PARD3B: variants seen among roughly 807,000 people sequenced by gnomAD.
PARD3B encodes the protein partitioning defective 3 homolog B.
PARD3B carries 103 observed loss-of-function variants against 130.2 expected under a neutral mutation model. The ratio of observed to expected loss-of-function variants is 0.79; its 90% CI spans 0.67 to 0.93. The LOEUF is 0.93. PARD3B is among the 40% of genes least tolerant of loss of function. The pLI, the probability that PARD3B is intolerant of heterozygous loss-of-function variation, is 0.00. For missense variants in PARD3B, 1,609 were observed against 1,499.2 expected (o/e 1.07, Z -1.21); for synonymous variants, 583 against 553.2 (o/e 1.05, Z -0.76).
intron 18 of PARD3B, among the ~76,000 whole-genome samples, chr2:205,310,682 TG>T (rs1444612329): frequency 6.6e-6 from 1 of 151,582 alleles, no homozygotes; most frequent in Non-Finnish European, 1.5e-5. Flanking sequence ...TACTTTTTAA[TG>T]GCTGAAATAG....
chr2:204,791,376 T>G (rs555715683), intron 2 of PARD3B, among the ~76,000 whole-genome samples: 111 of 152,350 alleles, frequency 7.3e-4, no homozygotes, highest in Non-Finnish European at 1.2e-3. Context: ...TATTATATCA[T>G]TCCCCTCATA....
intron 20 of PARD3B, among the ~76,000 whole-genome samples, chr2:205,445,898 C>G (rs2047889865): frequency 6.6e-6 from 1 of 152,154 alleles, no homozygotes; most frequent in Non-Finnish European, 1.5e-5. Flanking sequence ...TATTGAGTAT[C>G]CACTAAGGGT....
intron 1 of PARD3B, among the ~76,000 whole-genome samples, chr2:204,614,197 A>G (rs549920801): frequency 6.6e-6 from 1 of 152,322 alleles, no homozygotes; most frequent in Admixed American, 6.5e-5. Flanking sequence ...CAAGCTACAT[A>G]TGCAATTTAA....
chr2:205,061,136 T>C (rs1431096457), intron 4 of PARD3B, among the ~76,000 whole-genome samples: 1 of 152,128 alleles, frequency 6.6e-6, no homozygotes, highest in Non-Finnish European at 1.5e-5. Context: ...CAAGACTGCC[T>C]GGAGGGTCTA....
intron 2 of PARD3B, among the ~76,000 whole-genome samples, chr2:204,749,282 A>G (rs2040367490): frequency 6.6e-6 from 1 of 152,072 alleles, no homozygotes; most frequent in African/African-American, 2.4e-5. Flanking sequence ...TAATGACTTT[A>G]TTTCCCAAGT....
intron 3 of PARD3B, among the ~76,000 whole-genome samples, chr2:205,033,177 A>G (rs527643737): frequency 2.0e-5 from 3 of 152,304 alleles, no homozygotes; most frequent in East Asian, 3.9e-4. Flanking sequence ...AATGTGCACC[A>G]TTCTGAATCA....
chr2:205,150,780 A>C (rs2033699256), intron 10 of PARD3B, among the ~76,000 whole-genome samples: 1 of 152,164 alleles, frequency 6.6e-6, no homozygotes, highest in African/African-American at 2.4e-5. Context: ...ACAAGGATAC[A>C]GTATAGTATG....
intron 22 of PARD3B, among the ~76,000 whole-genome samples, chr2:205,574,870 AAAAGAAAG>A (rs1280154335): frequency 6.6e-6 from 1 of 150,622 alleles, no homozygotes; most frequent in East Asian, 1.9e-4. Flanking sequence ...AAAAAAAAAA[AAAAGAAAG>A]AAAGAAAGAA....
chr2:205,526,327 G>A (rs977847668), intron 21 of PARD3B, among the ~76,000 whole-genome samples: 1 of 152,196 alleles, frequency 6.6e-6, no homozygotes, highest in Non-Finnish European at 1.5e-5. Context: ...CCTGATATCT[G>A]TAGTGACAGA....
At chr2:204,966,055 C>T (rs1389231405) in intron 3 of PARD3B, among the ~76,000 whole-genome samples, 1 of 152,152 alleles carries the variant, frequency 6.6e-6, no homozygotes, top group East Asian at 1.9e-4. Context: ...CTACTTAGAG[C>T]ACCTGTTATG....
Position 204,861,162 on chromosome 2 carries a change from T to TTCTCTCTCTC in PARD3B, c.223-103947_223-103938dup, listed in dbSNP as rs60740602. On this transcript the variant is annotated intron_variant, in intron 2 of 22. Transcript: ENST00000406610. Reference sequence around the variant, plus strand: ...TTTCACCTATTGCTACCTAATACCTTTCTCTCTCTCTCTCTCTCTCTCTCT... The same window carrying TTCTCTCTCTC: ...TTTCACCTATTGCTACCTAATACCTTTCTCTCTCTCTCTCTCTCTCTCTCTCTCTCTCTCT... Among the ~76,000 whole-genome samples the TTCTCTCTCTC allele has an allele frequency of 1.1e-3, 101 of 91,360 alleles. 1 individual carries two copies. Among genetic ancestry groups the TTCTCTCTCTC allele is most frequent in the East Asian group, 3.0e-3 (9 of 2,980 alleles). 59.9% of individuals were successfully genotyped at this position (91,360 alleles called of 152,430 possible).
intron 1 of PARD3B, among the ~76,000 whole-genome samples, chr2:204,651,160 T>G (rs2335633): frequency 0.74 from 113,256 of 152,070 alleles, 42,921 homozygotes; most frequent in South Asian, 0.81. Context: ...TTCCCAATAG[T>G]CCCCCAAAGT....
At chr2:204,657,504 C>T (rs1378020795) in intron 1 of PARD3B, among the ~76,000 whole-genome samples, 2 of 151,578 alleles carry the variant, frequency 1.3e-5, no homozygotes, top group Non-Finnish European at 2.9e-5. Flanking sequence ...GAGACCCTGT[C>T]TAAAAAAAAA....
chr2:205,257,266 T>A (rs907818272), intron 16 of PARD3B, among the ~76,000 whole-genome samples: 2 of 150,876 alleles, frequency 1.3e-5, no homozygotes, highest in Non-Finnish European at 2.9e-5. Flanking sequence ...TTTCACCCCA[T>A]CAAAAGAGAA....
intron 21 of PARD3B, among the ~76,000 whole-genome samples, chr2:205,506,149 A>G (rs111732107): frequency 0.04 from 6,027 of 152,220 alleles, 202 homozygotes; most frequent in South Asian, 0.14. Context: ...CCTGGCCAAC[A>G]TGGTGAAACC....
At chr2:205,522,164 A>T (rs1360232280) in intron 21 of PARD3B, among the ~76,000 whole-genome samples, 1 of 150,886 alleles carries the variant, frequency 6.6e-6, no homozygotes, top group Non-Finnish European at 1.5e-5. Flanking sequence ...ATTTATTTTT[A>T]CTTAATTATT....
Position 205,616,028 on chromosome 2 carries a change from G to T in PARD3B, c.*215G>T. On this transcript the variant is annotated 3_prime_UTR_variant, in exon 23 of 23. Transcript: ENST00000406610. ...AAAATCAGAAGGAAGACGAAAGATGGGGCTATAAAAACAAAACTACCTGAT... is the reference window on the plus strand; with the variant it reads ...AAAATCAGAAGGAAGACGAAAGATGTGGCTATAAAAACAAAACTACCTGAT... 1.8e-6 allele frequency: 1 copy of T among 547,114 alleles called. No individual in the cohort carries two copies. Among genetic ancestry groups the T allele is most frequent in the South Asian group, 3.0e-5 (1 of 33,656 alleles). 33.9% of individuals were successfully genotyped at this position (547,114 alleles called of 1,614,324 possible). A position where few individuals can be genotyped will look rare whatever the true frequency, so the allele number is the denominator to read the frequency against.
chr2:204,722,320 A>G (rs1559088666), intron 2 of PARD3B, among the ~76,000 whole-genome samples: 1 of 152,186 alleles, frequency 6.6e-6, no homozygotes, highest in African/African-American at 2.4e-5. Context: ...CATAACAATA[A>G]ATGTCTAACA....
chr2:205,184,696 C>T (rs541666560), intron 13 of PARD3B, among the ~76,000 whole-genome samples: 12 of 151,970 alleles, frequency 7.9e-5, no homozygotes, highest in Admixed American at 3.9e-4. Context: ...GAGCCAAGAT[C>T]GTGCCACTGC....
Sources: gnomAD v4.1 joint callset for allele counts (sites outside exome capture counted in the v4.1 genomes callset) on GRCh38, gnomAD v4.1.1 for gene constraint, MANE v1.5 for transcripts, NCBI Gene and HGNC (gene_info 2026-07-23, HGNC 2026-07-21) for gene names.